The following SPOPL variants were observed in gnomAD, a reference collection of about 807,000 sequenced individuals.
The protein encoded by SPOPL is speckle-type POZ protein-like.
SPOPL carries 23 observed loss-of-function variants against 53.8 expected under a neutral mutation model. The observed-to-expected ratio is 0.43, with a 90% CI of 0.31 to 0.61. The LOEUF (loss-of-function observed/expected upper bound fraction) is 0.61. Ranked by LOEUF, SPOPL falls within the 20% of genes least tolerant of loss-of-function variation. SPOPL has a pLI of 0.12. For synonymous variants in SPOPL, 164 were observed against 149.7 expected (o/e 1.10, Z -0.70); for missense variants, 442 against 466.9 (o/e 0.95, Z 0.49).
chr2:138,522,216 G>T (rs955019751), intron 1 of SPOPL, among the ~76,000 whole-genome samples: 1 of 152,120 alleles, frequency 6.6e-6, no homozygotes, highest in African/African-American at 2.4e-5. Flanking sequence ...CTTGAGGGGG[G>T]ATTGTTGCTT....
intron 7 of SPOPL, 126 bp downstream of exon 7, chr2:138,559,463 C>A: frequency 8.4e-6 from 8 of 954,218 alleles, no homozygotes; most frequent in East Asian, 2.7e-5. Flanking sequence ...TTTTTACAAA[C>A]AGGAAAAAAA....
intron 1 of SPOPL, among the ~76,000 whole-genome samples, chr2:138,547,942 G>A (rs1312532872): frequency 6.6e-6 from 1 of 151,970 alleles, no homozygotes; most frequent in Non-Finnish European, 1.5e-5. Flanking sequence ...CACTCTTAAT[G>A]GTTGCACATT....
chr2:138,555,347 A>G (rs1685401812), intron 5 of SPOPL, among the ~76,000 whole-genome samples: 1 of 152,128 alleles, frequency 6.6e-6, no homozygotes, highest in Non-Finnish European at 1.5e-5. Flanking sequence ...CATAGCAGAG[A>G]GCCTTTCTGT....
intron 1 of SPOPL, among the ~76,000 whole-genome samples, chr2:138,545,653 A>T (rs1266705200): frequency 6.6e-6 from 1 of 151,696 alleles, no homozygotes; most frequent in Admixed American, 6.6e-5. Context: ...GTTAGCCAGG[A>T]TGGTCTCGAT....
chr2:138,523,647 A>C (rs1471981921), intron 1 of SPOPL, among the ~76,000 whole-genome samples: 1 of 152,218 alleles, frequency 6.6e-6, no homozygotes, highest in African/African-American at 2.4e-5. Flanking sequence ...TAGCTGTTCC[A>C]AATGGGAGAA....
intron 1 of SPOPL, among the ~76,000 whole-genome samples, chr2:138,542,688 C>T (rs1476544650): frequency 2.0e-5 from 3 of 152,222 alleles, no homozygotes; most frequent in East Asian, 1.9e-4. Flanking sequence ...ACTCTTTATC[C>T]AGTTTGCCAG....
chr2:138,564,423 A>T (rs1685614906), intron 8 of SPOPL: 1 of 321,290 alleles, frequency 3.1e-6, no homozygotes, highest in Non-Finnish European at 5.7e-6. Context: ...AGACAAGAGA[A>T]GTATATTTAT....
chr2:138,563,500 A>T (rs1436574881), intron 8 of SPOPL, among the ~76,000 whole-genome samples: 1 of 152,170 alleles, frequency 6.6e-6, no homozygotes, highest in Non-Finnish European at 1.5e-5. Flanking sequence ...AAGATACTCA[A>T]CATCATTAGG....
Position 138,552,686 on chromosome 2 carries a change from G to T in SPOPL, c.480+5G>T. 1 of 1,608,594 alleles carries T rather than the reference G, an allele frequency of 6.2e-7. No individual in the cohort carries two copies. The highest frequency in any genetic ancestry group is 8.5e-7 in the Non-Finnish European group (1 of 1,177,936). On this transcript the variant is annotated splice_donor_5th_base_variant and intron_variant, in intron 5 of 10. Transcript: ENST00000280098. ...AAGCTTACATTATTTTGTGAGGTGGGTACATCTTTTATTCTAAGAACCCCA... is the reference window on the plus strand; with the variant it reads ...AAGCTTACATTATTTTGTGAGGTGGTTACATCTTTTATTCTAAGAACCCCA...
At chr2:138,547,823 A>G (rs1288644444) in intron 1 of SPOPL, among the ~76,000 whole-genome samples, 1 of 152,130 alleles carries the variant, frequency 6.6e-6, no homozygotes, top group African/African-American at 2.4e-5. Flanking sequence ...GTACCTCTAT[A>G]TACTATTTAT....
At chr2:138,534,877 T>C (rs141432793) in intron 1 of SPOPL, among the ~76,000 whole-genome samples, 339 of 152,354 alleles carry the variant, frequency 2.2e-3, no homozygotes, top group African/African-American at 7.2e-3. Flanking sequence ...CCTATCTTCT[T>C]TCACTTAGCA....
At chr2:138,563,077 C>G (rs1287960265) in intron 8 of SPOPL, among the ~76,000 whole-genome samples, 1 of 152,078 alleles carries the variant, frequency 6.6e-6, no homozygotes, top group African/African-American at 2.4e-5. Flanking sequence ...CTTTTGTATT[C>G]AGACTATATA....
chr2:138,527,716 T>C (rs1346638808), intron 1 of SPOPL, among the ~76,000 whole-genome samples: 1 of 152,234 alleles, frequency 6.6e-6, no homozygotes. Context: ...TTTCCCCAAA[T>C]GTCTGTTATC....
At chr2:138,531,500 C>G (rs781256799) in intron 1 of SPOPL, among the ~76,000 whole-genome samples, 6 of 152,096 alleles carry the variant, frequency 3.9e-5, no homozygotes, top group African/African-American at 1.4e-4. Flanking sequence ...TTCTTACTTA[C>G]CTCTTCAAAT....
intron 10 of SPOPL, 101 bp from the exon 11 acceptor site, chr2:138,568,835 T>A: frequency 8.1e-7 from 1 of 1,239,588 alleles, no homozygotes; most frequent in South Asian, 1.4e-5. Flanking sequence ...GTAAAAAGTG[T>A]TCAAATATTT....
Position 138,559,085 on chromosome 2 carries a change from C to G in SPOPL, c.544C>G (p.Pro182Ala). The G allele has an allele frequency of 6.2e-7, 1 of 1,613,588 alleles. No individual in the cohort carries two copies. The highest frequency in any genetic ancestry group is 8.5e-7 in the Non-Finnish European group (1 of 1,179,832). ...GHTNTNTLKV[P>A]ECRLAEDLGN... ...TACTAATACAAATACTTTGAAGGTGCCTGAGTGTCGTCTAGCAGAAGATTT... is the reference window on the plus strand; with the variant it reads ...TACTAATACAAATACTTTGAAGGTGGCTGAGTGTCGTCTAGCAGAAGATTT... The change falls in exon 6 of 11, where the codon CCT (proline) becomes GCT (alanine). Residue 182 changes from proline (P) to alanine (A), a missense_variant. Coordinates refer to ENST00000280098, the MANE Select transcript of SPOPL (RefSeq NM_001001664.3).
intron 5 of SPOPL, among the ~76,000 whole-genome samples, chr2:138,555,802 G>C (rs548645873): frequency 6.6e-6 from 1 of 151,896 alleles, no homozygotes; most frequent in East Asian, 1.9e-4. Flanking sequence ...TGAGCCAAAA[G>C]CAAATTTGAA....
chr2:138,552,788 TGA>T, intron 5 of SPOPL, 107 bp downstream of exon 5: 1 of 1,283,944 alleles, frequency 7.8e-7, no homozygotes, highest in South Asian at 1.6e-5. Flanking sequence ...TATAGTTGAT[TGA>T]GTTTCATTTG....
chr2:138,563,733 ATAAACT>A (rs913051552), intron 8 of SPOPL, among the ~76,000 whole-genome samples: 1 of 152,222 alleles, frequency 6.6e-6, no homozygotes, highest in Admixed American at 6.5e-5. Flanking sequence ...AAAGTTAAAC[ATAAACT>A]TACACTGTGA....
Sources: allele counts gnomAD v4.1 joint callset (sites outside exome capture counted in the v4.1 genomes callset), GRCh38; gene constraint gnomAD v4.1.1; transcripts MANE v1.5; gene names NCBI Gene and HGNC (gene_info 2026-07-23, HGNC 2026-07-21).